PLSCR2: variants seen among roughly 807,000 people sequenced by gnomAD.
PLSCR2 encodes the protein PL scramblase 2.
Under a neutral mutation model 25.3 loss-of-function variants are expected in PLSCR2, and 18 were observed. That is an observed-to-expected ratio of 0.71 (90% CI 0.49 to 1.06). The LOEUF (loss-of-function observed/expected upper bound fraction) is 1.06, where lower values mean the gene tolerates loss of function less well. PLSCR2 is among the 50% of genes least tolerant of loss of function. The probability of loss-of-function intolerance (pLI) is 0.00; values close to 1 mark genes in which losing one functional copy is unlikely to be tolerated. For synonymous variants in PLSCR2, 88 were observed against 87.3 expected (o/e 1.01, Z -0.04); for missense variants, 243 against 269.5 (o/e 0.90, Z 0.69).
chr3:146,468,569 T>A (rs878895144), intron 1 of PLSCR2, among the ~76,000 whole-genome samples: 85 of 152,374 alleles, frequency 5.6e-4, no homozygotes, highest in Admixed American at 1.0e-3. Flanking sequence ...CTGAGTACTT[T>A]CTGTAGTGCC....
exon 3 of PLSCR2, chr3:146,395,816 G>T: frequency 5.7e-6 from 1 of 175,968 alleles, no homozygotes; most frequent in Non-Finnish European, 1.3e-5. Context: ...AGATCAAATG[G>T]AAACTGGATC....
At chr3:146,435,329 T>A (rs980070991) in intron 8 of PLSCR2, among the ~76,000 whole-genome samples, 1 of 152,220 alleles carries the variant, frequency 6.6e-6, no homozygotes, top group African/African-American at 2.4e-5. Flanking sequence ...TAGTTCTAGA[T>A]CCTTGAGGAA....
chr3:146,411,881 CAG>C (rs2038865854), intron 2 of PLSCR2, among the ~76,000 whole-genome samples: 2 of 151,216 alleles, frequency 1.3e-5, no homozygotes, highest in African/African-American at 4.9e-5. Context: ...GTGATAGACT[CAG>C]GGCTTTGGGT....
At chr3:146,487,353 A>G (rs894574042) in intron 1 of PLSCR2, among the ~76,000 whole-genome samples, 3 of 152,088 alleles carry the variant, frequency 2.0e-5, no homozygotes, top group Non-Finnish European at 4.4e-5. Flanking sequence ...GGGTATTCAA[A>G]TAGGAAGAGA....
In PLSCR2 at chr3:146,441,823, TG is replaced by T; in HGVS notation, c.646-3del. On this transcript the variant is annotated splice_polypyrimidine_tract_variant and splice_region_variant and intron_variant, in intron 6 of 6. Coordinates refer to ENST00000610787, the Ensembl canonical transcript of PLSCR2. ...AGTTCTTTCAAAAAACATGTAGTCC[TG>T]GATAAAAACAAAAATACAGAAATGA... The T allele has an allele frequency of 6.3e-7, 1 of 1,579,148 alleles. No homozygotes were observed. The highest frequency in any genetic ancestry group is 1.1e-5 in the South Asian group (1 of 88,474).
At chr3:146,461,365 T>C (rs890186438), upstream of PLSCR2, among the ~76,000 whole-genome samples, 1 of 152,226 alleles carries the variant, frequency 6.6e-6, no homozygotes, top group Admixed American at 6.5e-5. Context: ...GCTTTTATAA[T>C]TTATTCCTCC....
chr3:146,493,055 A>G (rs1003170224), intron 1 of PLSCR2, among the ~76,000 whole-genome samples: 3 of 152,132 alleles, frequency 2.0e-5, no homozygotes, highest in Admixed American at 6.5e-5. Flanking sequence ...TAGAAAATCT[A>G]GAAGAAATAA....
chr3:146,489,839 C>T (rs1349569515), intron 1 of PLSCR2, among the ~76,000 whole-genome samples: 1 of 152,044 alleles, frequency 6.6e-6, no homozygotes, highest in East Asian at 1.9e-4. Flanking sequence ...CTACCTTTTT[C>T]CATGTAGGCA....
intron 1 of PLSCR2, among the ~76,000 whole-genome samples, chr3:146,474,392 C>T (rs1361663214): frequency 6.6e-6 from 1 of 152,106 alleles, no homozygotes; most frequent in African/African-American, 2.4e-5. Context: ...CACTTTGCAT[C>T]ATGGTTCTAA....
intron 8 of PLSCR2, among the ~76,000 whole-genome samples, chr3:146,435,260 G>A (rs2039774331): frequency 1.3e-5 from 2 of 152,138 alleles, no homozygotes; most frequent in Admixed American, 1.3e-4. Flanking sequence ...ATAGCAGCAT[G>A]ATTTATAATC....
At chr3:146,422,063 C>T (rs560210253) in intron 2 of PLSCR2, among the ~76,000 whole-genome samples, 15 of 152,196 alleles carry the variant, frequency 9.9e-5, no homozygotes, top group Admixed American at 9.2e-4. Context: ...CATACAAGTG[C>T]ACAGATATAA....
rs1030520529 is a variant in PLSCR2, at chr3:146,407,266, A to C, written c.101-11345T>G. On this transcript the variant is annotated intron_variant and NMD_transcript_variant, in intron 2 of 3. Transcript: ENST00000463633. ...CTATGGATGAGGTGAAGGCTGGTCT[A>C]TTATCAGACCTTATGGTAGCAGGCA... 5.9e-5 allele frequency among the ~76,000 whole-genome samples: 9 copies of C among 152,312 alleles called. No individual in the cohort carries two copies. In the South Asian group the frequency reaches 1.9e-3, roughly 32 times the overall value.
At chr3:146,455,646 T>C (rs2041175450) in intron 3 of PLSCR2, among the ~76,000 whole-genome samples, 187 bp from the exon 4 acceptor site, 2 of 152,118 alleles carry the variant, frequency 1.3e-5, no homozygotes, top group South Asian at 4.1e-4. Context: ...TATTAATGCA[T>C]GGAGAAATTG....
At chr3:146,428,401 T>A (rs529104190), downstream of PLSCR2, among the ~76,000 whole-genome samples, 2 of 152,324 alleles carry the variant, frequency 1.3e-5, no homozygotes, top group African/African-American at 4.8e-5. Flanking sequence ...AGTAGGCAAG[T>A]AGATTTCAAG....
chr3:146,459,831 T>C lies in PLSCR2; in HGVS notation c.57+17A>G. ...AGTTTTTTTTTTTTTCTGAGTATTT[T>C]ACGTATTTGAAATTACCTGACTTAA... On this transcript the variant is annotated intron_variant, in intron 2 of 6. Coordinates refer to ENST00000610787, the Ensembl canonical transcript of PLSCR2. 1 of 1,546,728 alleles carries C rather than the reference T, an allele frequency of 6.5e-7. No homozygotes were observed. The highest frequency in any genetic ancestry group is 1.4e-5 in the African/African-American group (1 of 72,962).
intron 1 of PLSCR2, among the ~76,000 whole-genome samples, chr3:146,491,754 T>C (rs1392918379): frequency 6.6e-6 from 1 of 152,152 alleles, no homozygotes; most frequent in Non-Finnish European, 1.5e-5. Context: ...TGGATCATAT[T>C]ATTAGTTTTC....
intron 2 of PLSCR2, among the ~76,000 whole-genome samples, chr3:146,399,217 C>T (rs1392545298): frequency 6.6e-6 from 1 of 151,870 alleles, no homozygotes; most frequent in Non-Finnish European, 1.5e-5. Context: ...ATGCCAAGCA[C>T]TTTCATAACT....
At chr3:146,437,661 CT>C (rs1385489855), downstream of PLSCR2, among the ~76,000 whole-genome samples, 1 of 152,006 alleles carries the variant, frequency 6.6e-6, no homozygotes, top group Admixed American at 6.6e-5. Context: ...ATTCTTCTCT[CT>C]TTTCTTCTTT....
intron 1 of PLSCR2, among the ~76,000 whole-genome samples, chr3:146,483,472 TAC>T (rs57886630): frequency 4.1e-5 from 2 of 48,908 alleles, no homozygotes; most frequent in African/African-American, 9.9e-5. Context: ...TATATATATA[TAC>T]ATGTGTATAT....
Sources: allele counts gnomAD v4.1 joint callset (sites outside exome capture counted in the v4.1 genomes callset), GRCh38; gene constraint gnomAD v4.1.1; transcripts MANE v1.5; gene names NCBI Gene and HGNC (gene_info 2026-07-23, HGNC 2026-07-21).